The following PIK3C2G variants were observed in gnomAD, a reference collection of about 807,000 sequenced individuals.
The protein encoded by PIK3C2G is phosphatidylinositol-4-phosphate 3-kinase catalytic subunit type 2 gamma.
A neutral mutation model predicts 181.1 loss-of-function variants in PIK3C2G; 168 were observed. That is an observed-to-expected ratio of 0.93 (90% CI 0.82 to 1.05). PIK3C2G has a LOEUF of 1.05. Among genes scored for constraint, PIK3C2G ranks in the 50% least tolerant of loss-of-function variants. The pLI is 0.00. For missense variants in PIK3C2G, 1,869 were observed against 1,732.8 expected (o/e 1.08, Z -1.40); for synonymous variants, 573 against 592.2 (o/e 0.97, Z 0.47).
chr12:18,535,136 T>C (rs982059331), intron 24 of PIK3C2G, among the ~76,000 whole-genome samples: 6 of 152,098 alleles, frequency 3.9e-5, no homozygotes, highest in African/African-American at 1.4e-4. Flanking sequence ...TAGGAATAGG[T>C]TTACATTTCA....
chr12:18,553,380 A>C (rs1037290814), intron 26 of PIK3C2G, among the ~76,000 whole-genome samples: 2 of 152,236 alleles, frequency 1.3e-5, no homozygotes, highest in South Asian at 2.1e-4. Context: ...TAGTAAGACT[A>C]GCCCATCAAC....
the PIK3C2G span, among the ~76,000 whole-genome samples, chr12:18,661,376 AAGAG>A: frequency 0.4 from 59,844 of 151,268 alleles, 13,955 homozygotes; most frequent in South Asian, 0.59. Context: ...AATAAAAAAA[AAGAG>A]AGAGAGAGAA....
chr12:18,266,652 CACAT>C (rs949083341), intron 1 of PIK3C2G, among the ~76,000 whole-genome samples: 4 of 152,046 alleles, frequency 2.6e-5, no homozygotes, highest in African/African-American at 9.7e-5. Context: ...TAGCTGCTCT[CACAT>C]ACAAAAGACA....
At position 18,282,012 on chromosome 12, in the gene PIK3C2G, CTATCTTCTTTTGTAT is replaced by C. The variant is rs1307840082; in HGVS notation, c.-65_-51del. The C allele has an allele frequency of 1.1e-6, 1 of 879,452 alleles. No homozygotes were observed. The highest frequency in any genetic ancestry group is 1.7e-5 in the African/African-American group (1 of 58,466). 54.5% of individuals were successfully genotyped at this position (879,452 alleles called of 1,614,324 possible). A position where few individuals can be genotyped will look rare whatever the true frequency, so the allele number is the denominator to read the frequency against. On this transcript the variant is annotated 5_prime_UTR_variant, in exon 2 of 33. Coordinates refer to ENST00000538779, the MANE Select transcript of PIK3C2G (RefSeq NM_001288772.2). ...TTTTATGCTTTTTCTAGGAAAATTT[CTATCTTCTTTTGTAT>C]TATCAAGGAGATATTTGGAGCAGAG...
intron 13 of PIK3C2G, among the ~76,000 whole-genome samples, chr12:18,380,529 T>G (rs570059557): frequency 9.9e-5 from 15 of 152,240 alleles, no homozygotes; most frequent in African/African-American, 3.6e-4. Flanking sequence ...CAATAAAAAT[T>G]TTCTAATCTT....
At position 18,410,552 on chromosome 12, in the gene PIK3C2G, A is replaced by G. The variant is rs116744438; in HGVS notation, c.2316-10389A>G. On this transcript the variant is annotated intron_variant, in intron 16 of 32. Coordinates refer to ENST00000538779, the MANE Select transcript of PIK3C2G (RefSeq NM_001288772.2). ...AAGATTATTTTTCAGATTAGGATCC[A>G]TTGGCTTTGAGGTGTCATGAAATAG... is the stretch of plus-strand genomic sequence containing the variant. Among the ~76,000 whole-genome samples the G allele has an allele frequency of 9.2e-3, 1,401 of 151,712 alleles. 14 individuals carry two copies. Among genetic ancestry groups the G allele is most frequent in the African/African-American group, 0.027 (1,103 of 41,350 alleles).
rs920493347 is a variant in PIK3C2G at position 18,448,823 on chromosome 12, T to C, written c.2504+24784T>C. Among the ~76,000 whole-genome samples, 4 of 151,398 alleles carry C rather than the reference T, an allele frequency of 2.6e-5. No homozygotes were observed. The East Asian group carries it at 5.8e-4, about 22-fold the overall frequency. ...TATATGTATATATTATACACACACATATATATATAATTGTGGTGGAGATAT... is the reference window on the plus strand; with the variant it reads ...TATATGTATATATTATACACACACACATATATATAATTGTGGTGGAGATAT... On this transcript the variant is annotated intron_variant, in intron 18 of 32. Coordinates refer to ENST00000538779, the MANE Select transcript of PIK3C2G (RefSeq NM_001288772.2).
intron 8 of PIK3C2G, among the ~76,000 whole-genome samples, chr12:18,330,657 C>G (rs1436746336): frequency 2.0e-5 from 3 of 152,060 alleles, no homozygotes; most frequent in Non-Finnish European, 2.9e-5. Context: ...CTCTTGTTAT[C>G]AAATTGTGAG....
chr12:18,350,340 CATT>C lies in PIK3C2G; in HGVS notation c.1625+3505_1625+3507del, dbSNP rs1478128926. 2.6e-5 allele frequency among the ~76,000 whole-genome samples: 4 copies of C among 152,130 alleles called. No individual in the cohort carries two copies. The East Asian group carries it at 7.7e-4, about 29-fold the overall frequency. On this transcript the variant is annotated intron_variant, in intron 11 of 32. Transcript: ENST00000538779. ...TTAAGTCACTCATAAAGTATGGTAT[CATT>C]GTTTGATAAATAGAATGCAAAAATA...
rs750600010 is a variant in PIK3C2G at position 18,420,966 on chromosome 12, G to A, written c.2341G>A (p.Val781Met). The A allele has an allele frequency of 3.7e-6, 6 of 1,600,094 alleles. No individual in the cohort carries two copies. The highest frequency in any genetic ancestry group is 3.3e-5 in the South Asian group (3 of 90,670). The change falls in exon 17 of 33, where the codon GTG becomes ATG. Residue 781 changes from valine to methionine, a missense_variant. Coordinates refer to ENST00000538779, the MANE Select transcript of PIK3C2G (RefSeq NM_001288772.2). Reference protein sequence around the residue: ...SSFPDQEIRKVAVQQLDNLLN... With the variant: ...SSFPDQEIRKMAVQQLDNLLN... ...TTTTCCAGATCAAGAAATTCGTAAA[G>A]TGGCAGTTCAACAATTAGACAACCT... is the stretch of plus-strand genomic sequence containing the variant.
chr12:18,391,756 G>A (rs1184041022), intron 15 of PIK3C2G, among the ~76,000 whole-genome samples: 1 of 152,112 alleles, frequency 6.6e-6, no homozygotes, highest in African/African-American at 2.4e-5. Flanking sequence ...TAGGGAATTA[G>A]TGGCATTTGT....
At chr12:18,264,272 T>C (rs1948380318) in intron 1 of PIK3C2G, among the ~76,000 whole-genome samples, 2 of 152,182 alleles carry the variant, frequency 1.3e-5, no homozygotes, top group Non-Finnish European at 2.9e-5. Flanking sequence ...TCTTACTTAT[T>C]TTGCTTTCCA....
chr12:18,615,562 T>C (rs1188906316), intron 31 of PIK3C2G, among the ~76,000 whole-genome samples: 2 of 152,044 alleles, frequency 1.3e-5, no homozygotes, highest in Admixed American at 6.6e-5. Flanking sequence ...TTTCATATAA[T>C]GACTTCTTTT....
At chr12:18,372,682 C>T (rs1356959734) in intron 13 of PIK3C2G, 2 of 152,194 alleles carry the variant, frequency 1.3e-5, no homozygotes, top group Non-Finnish European at 2.9e-5. Context: ...ATTTTACTCT[C>T]CCATCATGTA....
intron 18 of PIK3C2G, among the ~76,000 whole-genome samples, chr12:18,467,898 C>A (rs781287838): frequency 1.3e-5 from 2 of 152,016 alleles, no homozygotes; most frequent in Non-Finnish European, 2.9e-5. Flanking sequence ...TGACCCTAGG[C>A]TCATGATACC....
At chr12:18,679,828 A>C in the PIK3C2G span, among the ~76,000 whole-genome samples, 1 of 151,966 alleles carries the variant, frequency 6.6e-6, no homozygotes, top group East Asian at 1.9e-4. Flanking sequence ...GGTACATTAT[A>C]AAGGCATTTA....
Position 18,581,933 on chromosome 12 carries a change from T to G in PIK3C2G, c.4012-12561T>G, listed in dbSNP as rs146866096. ...AGGAGGCTGAGCAGGAGCAACCAGTTGGACACCAGAAGACTGTGGTGCCTG... is the reference window on the plus strand; with the variant it reads ...AGGAGGCTGAGCAGGAGCAACCAGTGGGACACCAGAAGACTGTGGTGCCTG... On this transcript the variant is annotated intron_variant, in intron 29 of 32. Transcript: ENST00000538779. Among the ~76,000 whole-genome samples, 1,335 of 152,176 alleles carry G rather than the reference T, an allele frequency of 8.8e-3. 17 individuals are homozygous for G. Among genetic ancestry groups the G allele is most frequent in the African/African-American group, 0.031 (1,277 of 41,522 alleles).
chr12:18,721,756 T>G, the PIK3C2G span, among the ~76,000 whole-genome samples: 1,672 of 152,008 alleles, frequency 0.011, 38 homozygotes, highest in African/African-American at 0.039. Context: ...TCAGTTCTGC[T>G]TAGTGATATA....
chr12:18,538,094 T>C, intron 24 of PIK3C2G, 62 bp from the exon 25 acceptor site: 1 of 1,448,072 alleles, frequency 6.9e-7, no homozygotes, highest in Non-Finnish European at 9.5e-7. Flanking sequence ...TTATAACTGC[T>C]GATTTAACCT....
Sources: allele counts gnomAD v4.1 joint callset (sites outside exome capture counted in the v4.1 genomes callset), GRCh38; gene constraint gnomAD v4.1.1; transcripts MANE v1.5; gene names NCBI Gene and HGNC (gene_info 2026-07-23, HGNC 2026-07-21).